The following LAMB3 variants were observed in gnomAD, a reference collection of about 807,000 sequenced individuals.
The protein encoded by LAMB3 is laminin subunit beta 3.
In LAMB3, 104 loss-of-function variants were observed where a neutral mutation model predicts 140.3. The ratio of observed to expected loss-of-function variants is 0.74; its 90% CI spans 0.63 to 0.87. The LOEUF (loss-of-function observed/expected upper bound fraction) is 0.87, where lower values mean the gene tolerates loss of function less well. LAMB3 is among the 40% of genes least tolerant of loss of function. LAMB3 has a pLI of 0.00. For missense variants in LAMB3, 1,531 were observed against 1,575.2 expected (o/e 0.97, Z 0.47); for synonymous variants, 592 against 602.9 (o/e 0.98, Z 0.26).
chr1:209,627,500 G>C lies in LAMB3; in HGVS notation c.1368C>G (p.Asn456Lys). 1.2e-6 allele frequency: 2 copies of C among 1,614,086 alleles called. No individual in the cohort carries two copies. Among genetic ancestry groups the C allele is most frequent in the Non-Finnish European group, 1.7e-6 (2 of 1,180,016 alleles). ...ACTGGTCACATTTGGGACCCACCAC[G>C]TTGGGCAGACAAAGGCAGCGCCCAC... is the stretch of plus-strand genomic sequence containing the variant. ...EESGRCLCLP[N>K]VVGPKCDQCA... Residue 456 changes from asparagine to lysine, a missense_variant, in exon 12 of 23, where the codon AAC (asparagine) becomes AAG (lysine). Transcript: ENST00000356082.
In LAMB3 at chr1:209,623,041, C is replaced by T. The variant is rs777225131; in HGVS notation, c.2497G>A (p.Gly833Arg). The part of the protein sequence containing the change: ...PRAGGAFLMA[G>R]QVAEQLRGFN... ...CCCCGCAGCTGCTCAGCCACCTGCC[C>T]CGCCATCAAGAAGGCCCCACCGGCC... Residue 833 changes from glycine to arginine, a missense_variant, in exon 17 of 23, where the codon GGG becomes AGG. Transcript: ENST00000356082. The surrounding 1 kb of genome is among the most constrained non-coding windows in gnomAD (Gnocchi z 4.2). The T allele has an allele frequency of 1.9e-5, 30 of 1,613,932 alleles. No homozygotes were observed. Among genetic ancestry groups the T allele is most frequent in the Non-Finnish European group, 2.5e-5 (29 of 1,180,024 alleles).
In LAMB3 at chr1:209,615,057, T is replaced by C. The variant is rs754108338; in HGVS notation, c.*214A>G. 51 of 575,060 alleles carry C rather than the reference T, an allele frequency of 8.9e-5. No homozygotes were observed. Among genetic ancestry groups the C allele is most frequent in the Non-Finnish European group, 1.4e-4 (45 of 327,718 alleles). The allele number at this position is 575,060 out of a possible 1,614,324, so 35.6% of individuals were successfully genotyped here. ...TCTTAGTTTCAATGGCATGCCAATC[T>C]CCACCATCTTTGTCTGTCAAGTGTA... On this transcript the variant is annotated 3_prime_UTR_variant, in exon 23 of 23. Transcript: ENST00000356082.
rs1473440337 is a variant in LAMB3 at position 209,630,672 on chromosome 1, A to C, written c.886T>G (p.Phe296Val). ...GGTCTCCAGGGCCGGTTGTTGTAGA[A>C]GGGTGCACAGCGCTCACAATTTGGG... ...AGPNCERCAP[F>V]YNNRPWRPAE... Residue 296 changes from phenylalanine to valine, a missense_variant, in exon 9 of 23, where the codon TTC becomes GTC. Transcript: ENST00000356082. The C allele has an allele frequency of 6.2e-6, 10 of 1,614,072 alleles. No homozygotes were observed. Among genetic ancestry groups the C allele is most frequent in the African/African-American group, 1.3e-5 (1 of 75,000 alleles).
At position 209,648,671 on chromosome 1, in the gene LAMB3, G is replaced by T. The variant is rs543022275; in HGVS notation, c.183+1293C>A. On this transcript the variant is annotated intron_variant, in intron 3 of 22. Coordinates refer to ENST00000356082, the MANE Select transcript of LAMB3 (RefSeq NM_000228.3). ...GGAGGAGGAGAAACTTTTCAGACAG[G>T]ACTGGGATCAAGGGTACATCCCAAC... Among the ~76,000 whole-genome samples the T allele has an allele frequency of 1.5e-4, 23 of 152,132 alleles. No homozygotes were observed. In the South Asian group the frequency reaches 1.7e-3, roughly 11 times the overall value.
In LAMB3 at chr1:209,647,105, G is replaced by T. The variant is rs570346087; in HGVS notation, c.183+2859C>A. Among the ~76,000 whole-genome samples, 36 of 152,394 alleles carry T rather than the reference G, an allele frequency of 2.4e-4. 1 individual carries two copies. In the South Asian group the frequency reaches 3.5e-3, roughly 15 times the overall value. ...AAGCAGATGAGCCCAGAAGGGCAAA[G>T]TTGGGGAGGCAGAGAAGATGCCATA... On this transcript the variant is annotated intron_variant, in intron 3 of 22. Coordinates refer to ENST00000356082, the MANE Select transcript of LAMB3 (RefSeq NM_000228.3).
At chr1:209,615,607 G>A (rs568814565) in intron 22 of LAMB3, among the ~76,000 whole-genome samples, 200 bp from the exon 23 acceptor site, 3 of 152,256 alleles carry the variant, frequency 2.0e-5, no homozygotes, top group African/African-American at 7.2e-5. Context: ...ACCTGGCAGG[G>A]GCCAAACCCA....
At position 209,628,185 on chromosome 1, in the gene LAMB3, C is replaced by T. The variant is rs1370395716; in HGVS notation, c.1138G>A (p.Glu380Lys). The change falls in exon 11 of 23, where the codon GAG becomes AAG. Residue 380 changes from glutamate (E) to lysine (K), a missense_variant. Coordinates refer to ENST00000356082, the MANE Select transcript of LAMB3 (RefSeq NM_000228.3). ...GGCACTGCCCCATCCGGATCACACT[C>T]GCAGGCTGAGAGACAACAGCAGCCA... is the stretch of plus-strand genomic sequence containing the variant. ...ASIQETCISC[E>K]CDPDGAVPGA... 6.4e-7 allele frequency: 1 copy of T among 1,557,604 alleles called. No homozygotes were observed. Among genetic ancestry groups the T allele is most frequent in the Non-Finnish European group, 8.7e-7 (1 of 1,150,200 alleles).
Position 209,617,891 on chromosome 1 carries a change from A to G in LAMB3, c.3051+16T>C, listed in dbSNP as rs760747537. ...TTTATGCCCAAATATGGGCGGAGGA[A>G]GCCATAATGCCTCACCTCAGCAACC... On this transcript the variant is annotated intron_variant, in intron 20 of 22. Transcript: ENST00000356082. 5 of 1,614,178 alleles carry G rather than the reference A, an allele frequency of 3.1e-6. No homozygotes were observed. The South Asian group carries it at 5.5e-5, about 18-fold the overall frequency.
chr1:209,634,550 G>A lies in LAMB3; in HGVS notation c.461C>T (p.Thr154Ile). ...CTGGCGGACCCGAGGGAAGGTGGAG[G>A]TGCAGTCGGCAGCCAGGTACTGGTA... ...RVYQYLAADCTSTFPRVRQGR... is the reference protein window; with the variant it reads ...RVYQYLAADCISTFPRVRQGR... The change falls in exon 6 of 23, where the codon ACC becomes ATC. Residue 154 changes from threonine (T) to isoleucine (I), a missense_variant. By Grantham distance (89) the Thr-to-Ile change is moderately conservative. Transcript: ENST00000356082. 1 of 1,614,156 alleles carries A rather than the reference G, an allele frequency of 6.2e-7. No homozygotes were observed. Among genetic ancestry groups the A allele is most frequent in the East Asian group, 2.2e-5 (1 of 44,856 alleles).
At chr1:209,632,803 A>G (rs1666743830) in intron 7 of LAMB3, 27 bp from the exon 8 acceptor site, 1 of 1,605,018 alleles carries the variant, frequency 6.2e-7, no homozygotes, top group South Asian at 1.1e-5. Flanking sequence ...GCAAGGAGGG[A>G]AGAGTTGGAG....
At chr1:209,626,845 C>A (rs1558154468) in intron 13 of LAMB3, 22 bp downstream of exon 13, 2 of 1,587,854 alleles carry the variant, frequency 1.3e-6, no homozygotes, top group Non-Finnish European at 1.7e-6. Context: ...GCCTCAGCGT[C>A]CCCCAGGCTT....
At chr1:209,648,868 A>AT (rs1314360133) in intron 3 of LAMB3, among the ~76,000 whole-genome samples, 1 of 152,122 alleles carries the variant, frequency 6.6e-6, no homozygotes, top group Non-Finnish European at 1.5e-5. Context: ...AATTTTTTTA[A>AT]TTTTTATTTT....
chr1:209,624,880 G>A (rs113304109), intron 14 of LAMB3, among the ~76,000 whole-genome samples: 5 of 100,842 alleles, frequency 5.0e-5, no homozygotes, highest in African/African-American at 1.9e-4. Flanking sequence ...GAAAGAGAGA[G>A]AGGAAGGAAG....
In LAMB3 at chr1:209,618,594, T is replaced by C. The variant is rs1262561561; in HGVS notation, c.2767A>G (p.Thr923Ala). Residue 923 changes from threonine to alanine, a missense_variant, in exon 19 of 23, where the codon ACA becomes GCA. Coordinates refer to ENST00000356082, the MANE Select transcript of LAMB3 (RefSeq NM_000228.3). Reference protein sequence around the residue: ...SEAVLALWLPTDSATVLQKMN... With the variant: ...SEAVLALWLPADSATVLQKMN... ...TTCTGCAGAACAGTAGCTGAGTCTGTGGGCAGCCACAGGGCCAGCACGGCC... is the reference window on the plus strand; with the variant it reads ...TTCTGCAGAACAGTAGCTGAGTCTGCGGGCAGCCACAGGGCCAGCACGGCC... The C allele has an allele frequency of 1.9e-6, 3 of 1,614,210 alleles. No individual in the cohort carries two copies. The highest frequency in any genetic ancestry group is 2.5e-6 in the Non-Finnish European group (3 of 1,180,034).
chr1:209,618,111 G>T, intron 19 of LAMB3, 63 bp from the exon 20 acceptor site: 2 of 1,592,616 alleles, frequency 1.3e-6, no homozygotes, highest in South Asian at 2.2e-5. Flanking sequence ...TCAATGTGTG[G>T]TTCGACTCAC....
At chr1:209,624,024 C>T in intron 14 of LAMB3, 24 bp from the exon 15 acceptor site, 1 of 1,606,576 alleles carries the variant, frequency 6.2e-7, no homozygotes, top group Non-Finnish European at 8.5e-7. Flanking sequence ...GGAGCTTACA[C>T]TAAAATATAG....
At chr1:209,622,434 G>A in intron 18 of LAMB3, 102 bp downstream of exon 18, 1 of 1,403,288 alleles carries the variant, frequency 7.1e-7, no homozygotes, top group Non-Finnish European at 1.0e-6. Flanking sequence ...GATGTTGCAG[G>A]CCTGGGACTA....
chr1:209,646,290 G>A (rs1437557029), intron 3 of LAMB3, among the ~76,000 whole-genome samples: 1 of 152,226 alleles, frequency 6.6e-6, no homozygotes, highest in Non-Finnish European at 1.5e-5. Flanking sequence ...CACGCCCTGA[G>A]AGAGGACAGT....
intron 3 of LAMB3, among the ~76,000 whole-genome samples, chr1:209,646,314 C>G (rs1214273756): frequency 6.6e-6 from 1 of 152,202 alleles, no homozygotes; most frequent in Non-Finnish European, 1.5e-5. Flanking sequence ...CTCTCAGGGT[C>G]ACACACAGCC....
Sources: gnomAD v4.1 joint callset for allele counts (sites outside exome capture counted in the v4.1 genomes callset) on GRCh38, gnomAD v4.1.1 for gene constraint, Gnocchi (gnomAD v3.1) non-coding constraint, MANE v1.5 for transcripts, NCBI Gene and HGNC (gene_info 2026-07-23, HGNC 2026-07-21) for gene names.